Variants in MAGI2 observed in about 807,000 individuals in gnomAD.
MAGI2 encodes the protein membrane associated guanylate kinase, WW and PDZ domain containing 2.
MAGI2 carries 35 observed loss-of-function variants against 133.3 expected under a neutral mutation model. The observed-to-expected ratio is 0.26, with a 90% CI of 0.20 to 0.35. MAGI2 has a LOEUF of 0.35. Among genes scored for constraint, MAGI2 ranks in the 10% least tolerant of loss-of-function variants. The probability of loss-of-function intolerance (pLI) is 1.00; values close to 1 mark genes in which losing one functional copy is unlikely to be tolerated. For synonymous variants in MAGI2, 729 were observed against 710.6 expected, an observed-to-expected ratio of 1.03 and a Z score of -0.41; for missense variants, 1,636 against 1,863.4, an observed-to-expected ratio of 0.88 and a Z score of 2.25.
At chr7:78,418,777 TAGGG>T (rs1483735355) in intron 6 of MAGI2, among the ~76,000 whole-genome samples, 5 of 152,080 alleles carry the variant, frequency 3.3e-5, no homozygotes, top group African/African-American at 1.2e-4. Flanking sequence ...CACAATGCTG[TAGGG>T]GGTTAATGAG....
At chr7:78,294,975 GA>G (rs1797085634) in intron 9 of MAGI2, among the ~76,000 whole-genome samples, 1 of 151,866 alleles carries the variant, frequency 6.6e-6, no homozygotes, top group Non-Finnish European at 1.5e-5. Context: ...CATCAGAACA[GA>G]ACATATTATT....
rs1848062064 is a variant in MAGI2 at position 79,435,354 on chromosome 7, A to T, written c.301+17666T>A. Among the ~76,000 whole-genome samples the T allele has an allele frequency of 2.0e-5, 3 of 152,338 alleles. No individual in the cohort carries two copies. In the South Asian group the frequency reaches 6.2e-4, roughly 32 times the overall value. On this transcript the variant is annotated intron_variant, in intron 1 of 21. Transcript: ENST00000354212. ...AATTAAATGCTGCCTGTCCTTGATG[A>T]GTTCCAGGTCTAGTTTAAATGACAT...
chr7:79,313,817 T>C (rs1176418405), intron 1 of MAGI2, among the ~76,000 whole-genome samples: 1 of 151,438 alleles, frequency 6.6e-6, no homozygotes, highest in Non-Finnish European at 1.5e-5. Flanking sequence ...TTTTTTTTTT[T>C]TTTAAGATGG....
intron 10 of MAGI2, among the ~76,000 whole-genome samples, chr7:78,215,657 C>G (rs1404325422): frequency 6.6e-6 from 1 of 152,134 alleles, no homozygotes; most frequent in Non-Finnish European, 1.5e-5. Flanking sequence ...GGTGGGGATT[C>G]TCAACGGCCT....
intron 21 of MAGI2, among the ~76,000 whole-genome samples, chr7:78,029,508 A>G (rs1246181302): frequency 6.6e-6 from 1 of 152,244 alleles, no homozygotes; most frequent in African/African-American, 2.4e-5. Flanking sequence ...TGAAAGCCCA[A>G]TATGTAAAAC....
rs1302532517 is a variant in MAGI2 at position 79,157,941 on chromosome 7, A to AGTGAGT, written c.302-150736_302-150735insACTCAC. Among the ~76,000 whole-genome samples the AGTGAGT allele has an allele frequency of 8.3e-3, 1,123 of 134,950 alleles. 12 individuals are homozygous for AGTGAGT. Among genetic ancestry groups the AGTGAGT allele is most frequent in the African/African-American group, 0.034 (1,053 of 30,844 alleles). 88.5% of individuals were successfully genotyped at this position (134,950 alleles called of 152,430 possible). A position where few individuals can be genotyped will look rare whatever the true frequency, so the allele number is the denominator to read the frequency against. On this transcript the variant is annotated intron_variant, in intron 1 of 21. Transcript: ENST00000354212. The stretch of plus-strand genomic sequence containing the variant: ...GTAAATGCTACAGAATCTTTGTGTG[A>AGTGAGT]GTGTGTGTGTGTGTGTGTGTGTGTG...
chr7:78,840,347 C>T (rs1792024671), intron 2 of MAGI2, among the ~76,000 whole-genome samples: 1 of 151,930 alleles, frequency 6.6e-6, no homozygotes, highest in African/African-American at 2.4e-5. Context: ...ATGATCAAGC[C>T]ATGTAGAGTT....
chr7:78,552,062 T>C (rs1799377579), intron 3 of MAGI2, among the ~76,000 whole-genome samples: 1 of 151,422 alleles, frequency 6.6e-6, no homozygotes, highest in Non-Finnish European at 1.5e-5. Context: ...GCATTGTTAA[T>C]GAAATAAAAG....
At chr7:79,066,778 T>C (rs968509253) in intron 1 of MAGI2, among the ~76,000 whole-genome samples, 16 of 152,212 alleles carry the variant, frequency 1.1e-4, no homozygotes, top group Non-Finnish European at 7.4e-5. Flanking sequence ...CTTGAGTTCA[T>C]TTTTGTACAA....
At chr7:79,318,682 AT>A in intron 1 of MAGI2, among the ~76,000 whole-genome samples, 1 of 152,326 alleles carries the variant, frequency 6.6e-6, no homozygotes, top group Non-Finnish European at 1.5e-5. Context: ...TGTACTACGT[AT>A]TAGTTTTCAG....
chr7:78,467,535 C>G (rs1179393226), intron 6 of MAGI2, among the ~76,000 whole-genome samples: 1 of 151,322 alleles, frequency 6.6e-6, no homozygotes, highest in Non-Finnish European at 1.5e-5. Context: ...TAGAAAGCTC[C>G]AACAATATAC....
At chr7:78,623,268 A>G (rs1807941833) in intron 3 of MAGI2, among the ~76,000 whole-genome samples, 1 of 152,026 alleles carries the variant, frequency 6.6e-6, no homozygotes, top group Admixed American at 6.6e-5. Context: ...TGATATGTTA[A>G]GCCATTGGTT....
chr7:78,931,107 C>A (rs1800080189), intron 2 of MAGI2, among the ~76,000 whole-genome samples: 2 of 152,042 alleles, frequency 1.3e-5, no homozygotes, highest in African/African-American at 4.8e-5. Flanking sequence ...TAAAACCAAA[C>A]ACAGAAATAA....
At position 78,884,815 on chromosome 7, in the gene MAGI2, C is replaced by G. The variant is rs1796140565; in HGVS notation, c.418+122275G>C. Reference sequence around the variant, plus strand: ...ACTTTTCAACCCAGCAATCCCATTACTGGATATACACCCAAACAAAAATAA... The same window carrying G: ...ACTTTTCAACCCAGCAATCCCATTAGTGGATATACACCCAAACAAAAATAA... On this transcript the variant is annotated intron_variant, in intron 2 of 21. Transcript: ENST00000354212. 3.3e-5 allele frequency among the ~76,000 whole-genome samples: 5 copies of G among 152,274 alleles called. No individual in the cohort carries two copies. In the South Asian group the frequency reaches 8.3e-4, roughly 25 times the overall value.
At chr7:78,673,686 A>T (rs1814662711) in intron 2 of MAGI2, among the ~76,000 whole-genome samples, 1 of 151,678 alleles carries the variant, frequency 6.6e-6, no homozygotes, top group East Asian at 2.0e-4. Context: ...CACTCACATT[A>T]GCCTGGGGGC....
In MAGI2 at chr7:78,847,682, C is replaced by T. The variant is rs114224181; in HGVS notation, c.418+159408G>A. ...ACATATCTGTGATCTTATCTATCTA[C>T]ATCACAAATGTCACCTATTTACAAA... On this transcript the variant is annotated intron_variant, in intron 2 of 21. Coordinates refer to ENST00000354212, the MANE Select transcript of MAGI2 (RefSeq NM_012301.4). Among the ~76,000 whole-genome samples, 358 of 152,110 alleles carry T rather than the reference C, an allele frequency of 2.4e-3. 3 individuals are homozygous for T. The highest frequency in any genetic ancestry group is 8.2e-3 in the African/African-American group (339 of 41,532).
chr7:78,275,902 A>G (rs1173016660), intron 9 of MAGI2, among the ~76,000 whole-genome samples: 1 of 152,176 alleles, frequency 6.6e-6, no homozygotes, highest in Non-Finnish European at 1.5e-5. Context: ...CATATACGTA[A>G]TATCTTTTTT....
intron 1 of MAGI2, among the ~76,000 whole-genome samples, chr7:79,201,870 T>C (rs1404684251): frequency 6.6e-6 from 1 of 152,066 alleles, no homozygotes; most frequent in Non-Finnish European, 1.5e-5. Context: ...AATTCAATTT[T>C]TGTCTTAGTT....
chr7:78,562,754 G>T (rs950009598), intron 3 of MAGI2, among the ~76,000 whole-genome samples: 3 of 152,104 alleles, frequency 2.0e-5, no homozygotes, highest in African/African-American at 7.2e-5. Flanking sequence ...TGTGTGCTAG[G>T]CAGAGAAAGA....
Sources: allele counts gnomAD v4.1 joint callset (sites outside exome capture counted in the v4.1 genomes callset), GRCh38; gene constraint gnomAD v4.1.1; transcripts MANE v1.5; gene names NCBI Gene and HGNC (gene_info 2026-07-23, HGNC 2026-07-21).